DMD: variants seen among roughly 807,000 people sequenced by gnomAD.
The protein encoded by DMD is dystrophin.
A neutral mutation model predicts 330.1 loss-of-function variants in DMD; 63 were observed. That is an observed-to-expected ratio of 0.19 (90% CI 0.16 to 0.24). The LOEUF (loss-of-function observed/expected upper bound fraction) is 0.24. Ranked by LOEUF, DMD falls within the 10% of genes least tolerant of loss-of-function variation. DMD has a pLI of 1.00. For missense variants in DMD, 3,344 were observed against 2,684.1 expected (o/e 1.25, Z -5.43); for synonymous variants, 1,223 against 959.8 (o/e 1.27, Z -5.07).
intron 43 of DMD, among the ~76,000 whole-genome samples, chrX:32,236,346 C>T (rs951848832): frequency 6.2e-5 from 7 of 112,365 alleles, no homozygotes; most frequent in Non-Finnish European, 1.1e-4. Flanking sequence ...AAATTACACT[C>T]TAAATTGGTT....
intron 63 of DMD, among the ~76,000 whole-genome samples, chrX:31,256,741 C>CGTGTGT (rs35842618): frequency 0.03 from 2,959 of 97,924 alleles, 102 homozygotes; most frequent in African/African-American, 0.1. Context: ...ATATGTGGGG[C>CGTGTGT]GTGTGTGTGT....
At chrX:31,143,153 G>C (rs1157939447) in intron 76 of DMD, among the ~76,000 whole-genome samples, 2 of 111,460 alleles carry the variant, frequency 1.8e-5, no homozygotes, top group Non-Finnish European at 3.8e-5. Context: ...GTTAGCTTAT[G>C]CAGTTCGATA....
chrX:32,493,688 G>C (rs1569564836), intron 19 of DMD, among the ~76,000 whole-genome samples: 1 of 111,671 alleles, frequency 9.0e-6, no homozygotes, highest in Non-Finnish European at 1.9e-5. Context: ...TTTGAAAAAA[G>C]TATTATGATA....
intron 27 of DMD, among the ~76,000 whole-genome samples, chrX:32,442,737 G>A (rs1438911118): frequency 9.1e-6 from 1 of 110,254 alleles, no homozygotes; most frequent in African/African-American, 3.3e-5. Flanking sequence ...TCAAAAAAAA[G>A]GAAATAATGT....
chrX:33,035,662 T>A (rs2094192843), intron 1 of DMD, among the ~76,000 whole-genome samples: 1 of 111,933 alleles, frequency 8.9e-6, no homozygotes, highest in African/African-American at 3.2e-5. Context: ...ATATTTTTAA[T>A]GCACATTTTT....
chrX:33,189,062 T>A (rs767300502), intron 1 of DMD, among the ~76,000 whole-genome samples: 1 of 111,847 alleles, frequency 8.9e-6, no homozygotes, highest in East Asian at 2.8e-4. Flanking sequence ...AATACATTCC[T>A]TATTCATTTG....
At chrX:32,938,806 C>T (rs1327762556) in intron 2 of DMD, among the ~76,000 whole-genome samples, 1 of 110,817 alleles carries the variant, frequency 9.0e-6, no homozygotes, top group African/African-American at 3.3e-5. Flanking sequence ...TAAGACATTT[C>T]CTAGGGTGTT....
intron 2 of DMD, among the ~76,000 whole-genome samples, chrX:32,888,126 T>C (rs1474625494): frequency 4.5e-5 from 5 of 110,981 alleles, no homozygotes; most frequent in African/African-American, 1.3e-4. Context: ...GCAACTGTGA[T>C]TAAGGAACTG....
At chrX:31,369,873 A>G (rs2059448735) in intron 60 of DMD, among the ~76,000 whole-genome samples, 1 of 111,647 alleles carries the variant, frequency 9.0e-6, no homozygotes, top group Non-Finnish European at 1.9e-5. Context: ...ACTTAAACAT[A>G]AAATGTAAAA....
intron 16 of DMD, among the ~76,000 whole-genome samples, chrX:32,561,873 T>A (rs2051055209): frequency 8.9e-6 from 1 of 111,824 alleles, no homozygotes; most frequent in Non-Finnish European, 1.9e-5. Flanking sequence ...CAGTAGAGAT[T>A]GGGGGCTAAT....
intron 22 of DMD, among the ~76,000 whole-genome samples, chrX:32,470,142 TTTACAATTTAAG>T (rs1343973736): frequency 8.1e-5 from 9 of 111,459 alleles, no homozygotes; most frequent in African/African-American, 2.9e-4. Flanking sequence ...TACTTCTTCC[TTTACAATTTAAG>T]TTACAATTAT....
intron 55 of DMD, among the ~76,000 whole-genome samples, chrX:31,577,954 C>G (rs569576414): frequency 9.0e-6 from 1 of 110,721 alleles, no homozygotes; most frequent in South Asian, 3.9e-4. Context: ...CCAAAATTGC[C>G]TTTATATTGA....
intron 51 of DMD, among the ~76,000 whole-genome samples, chrX:31,741,741 A>T (rs767580030): frequency 9.1e-6 from 1 of 110,037 alleles, no homozygotes; most frequent in South Asian, 4.0e-4. Flanking sequence ...ACTGGCTTCA[A>T]CTGAAAGTCA....
chrX:31,321,494 G>T (rs4129305), intron 62 of DMD, among the ~76,000 whole-genome samples: 1 of 96,268 alleles, frequency 1.0e-5, no homozygotes, highest in Non-Finnish European at 2.0e-5. Context: ...TAAGACGAAA[G>T]AATTGCTTGA....
chrX:31,623,944 A>G (rs1222110623), intron 55 of DMD, among the ~76,000 whole-genome samples: 1 of 111,227 alleles, frequency 9.0e-6, no homozygotes, highest in African/African-American at 3.3e-5. Flanking sequence ...GAACCACTTA[A>G]TATTTGTGAA....
At chrX:32,441,076 A>G in intron 28 of DMD, 104 bp downstream of exon 28, 1 of 885,372 alleles carries the variant, frequency 1.1e-6, no homozygotes, top group Non-Finnish European at 1.6e-6. Flanking sequence ...CATAGTAATT[A>G]TACTCTCTTG....
At chrX:32,799,286 G>A (rs932809839) in intron 7 of DMD, among the ~76,000 whole-genome samples, 3 of 111,250 alleles carry the variant, frequency 2.7e-5, no homozygotes, top group African/African-American at 6.5e-5. Flanking sequence ...AAACCCTAAC[G>A]GGTTTGTAAA....
chrX:32,699,030 T>C (rs984493430), intron 8 of DMD, 82 bp downstream of exon 8: 2 of 824,230 alleles, frequency 2.4e-6, no homozygotes, highest in Non-Finnish European at 3.7e-6. Flanking sequence ...ATATAAGTTA[T>C]ATATATATGT....
At chrX:32,764,109 T>C (rs996164840) in intron 7 of DMD, among the ~76,000 whole-genome samples, 5 of 109,684 alleles carry the variant, frequency 4.6e-5, no homozygotes, top group East Asian at 2.9e-4. Context: ...TTTTTTTTTT[T>C]CCAACTAAAT....
Sources: gnomAD v4.1 joint callset for allele counts (sites outside exome capture counted in the v4.1 genomes callset) on GRCh38, gnomAD v4.1.1 for gene constraint, MANE v1.5 for transcripts, NCBI Gene and HGNC (gene_info 2026-07-23, HGNC 2026-07-21) for gene names.